FAM13A: variants seen among roughly 807,000 people sequenced by gnomAD.
The protein encoded by FAM13A is family with sequence similarity 13 member A.
A neutral mutation model predicts 129.6 loss-of-function variants in FAM13A; 76 were observed. That is an observed-to-expected ratio of 0.59 (90% confidence interval 0.49 to 0.71). The LOEUF (loss-of-function observed/expected upper bound fraction) is 0.71, where lower values mean the gene tolerates loss of function less well. Among genes scored for constraint, FAM13A ranks in the 30% least tolerant of loss-of-function variants. FAM13A has a pLI of 0.00. For synonymous variants in FAM13A, 443 were observed against 449.9 expected (o/e 0.98, Z 0.20); for missense variants, 1,108 against 1,249.3 (o/e 0.89, Z 1.70).
chr4:88,949,232 T>C (rs1268327061), intron 4 of FAM13A, among the ~76,000 whole-genome samples: 1 of 152,214 alleles, frequency 6.6e-6, no homozygotes, highest in Non-Finnish European at 1.5e-5. Context: ...GATACTTAAT[T>C]TGTAACCCCT....
intron 21 of FAM13A, 65 bp downstream of exon 21, chr4:88,737,407 A>C (rs1301110263): frequency 1.5e-6 from 2 of 1,332,360 alleles, no homozygotes; most frequent in East Asian, 2.3e-5. Context: ...CATTCACCGG[A>C]GGGGAGGGGA....
At chr4:88,963,020 A>G (rs1758838165) in intron 4 of FAM13A, among the ~76,000 whole-genome samples, 1 of 152,334 alleles carries the variant, frequency 6.6e-6, no homozygotes, top group African/African-American at 2.4e-5. Context: ...TCAGAAAAAT[A>G]TCAATGGGTC....
intron 4 of FAM13A, among the ~76,000 whole-genome samples, chr4:88,966,942 T>C (rs1203620563): frequency 6.6e-6 from 1 of 152,178 alleles, no homozygotes. Flanking sequence ...TCTGCTATGC[T>C]TTGCAATTAT....
chr4:88,796,778 T>C (rs1726271355), intron 8 of FAM13A, among the ~76,000 whole-genome samples: 1 of 151,984 alleles, frequency 6.6e-6, no homozygotes, highest in African/African-American at 2.4e-5. Context: ...TTGTCCTAGC[T>C]GATTTGTTCT....
intron 5 of FAM13A, among the ~76,000 whole-genome samples, chr4:88,925,614 A>G (rs1751990835): frequency 6.6e-6 from 1 of 151,858 alleles, no homozygotes. Context: ...TAATGGGTGC[A>G]GCACACCAGC....
At chr4:88,825,608 C>G (rs1421373121) in intron 7 of FAM13A, among the ~76,000 whole-genome samples, 1 of 152,040 alleles carries the variant, frequency 6.6e-6, no homozygotes, top group Admixed American at 6.6e-5. Flanking sequence ...ATTTTATGAA[C>G]ACATTAATAC....
At chr4:88,802,634 T>C (rs1409031767) in intron 8 of FAM13A, among the ~76,000 whole-genome samples, 1 of 152,194 alleles carries the variant, frequency 6.6e-6, no homozygotes, top group Non-Finnish European at 1.5e-5. Context: ...CATAAAGTGA[T>C]AACAAGAGCA....
chr4:88,738,986 A>G (rs376246251), intron 20 of FAM13A, 44 bp downstream of exon 20: 1 of 1,254,170 alleles, frequency 8.0e-7, no homozygotes, highest in South Asian at 1.2e-5. Flanking sequence ...GGCCCATTCA[A>G]GCGGAAAGGT....
chr4:88,794,774 C>T (rs994129006), intron 8 of FAM13A, among the ~76,000 whole-genome samples: 11 of 151,532 alleles, frequency 7.3e-5, no homozygotes, highest in Non-Finnish European at 1.0e-4. Context: ...ATGAGATGTT[C>T]GCTTAAATAA....
At chr4:88,912,539 T>C (rs1221630480) in intron 5 of FAM13A, among the ~76,000 whole-genome samples, 1 of 148,136 alleles carries the variant, frequency 6.8e-6, no homozygotes, top group Non-Finnish European at 1.5e-5. Flanking sequence ...AACCCCATAA[T>C]AAATCACCTC....
intron 6 of FAM13A, among the ~76,000 whole-genome samples, chr4:88,882,105 A>C (rs1482008088): frequency 6.6e-6 from 1 of 152,200 alleles, no homozygotes; most frequent in Non-Finnish European, 1.5e-5. Context: ...AGAGATCTAG[A>C]TATCCAAATA....
Position 88,747,030 on chromosome 4 carries a change from G to GATAT in FAM13A, c.2383-16_2383-15insATAT. 6.5e-7 allele frequency: 1 copy of GATAT among 1,548,242 alleles called. No individual in the cohort carries two copies. Among genetic ancestry groups the GATAT allele is most frequent in the Non-Finnish European group, 8.9e-7 (1 of 1,122,214 alleles). On this transcript the variant is annotated splice_polypyrimidine_tract_variant and intron_variant, in intron 18 of 23. Coordinates refer to ENST00000264344, the MANE Select transcript of FAM13A (RefSeq NM_014883.4). ...TTGGTCATATCCTGTATAAACACAGGGATAGAGAATTGAAAGAGAGGAAAA... is the reference window on the plus strand; with the variant it reads ...TTGGTCATATCCTGTATAAACACAGGATATGATAGAGAATTGAAAGAGAGGAAAA...
At chr4:88,879,121 T>C (rs1743104820) in intron 6 of FAM13A, among the ~76,000 whole-genome samples, 1 of 152,238 alleles carries the variant, frequency 6.6e-6, no homozygotes. Context: ...TGAGAATAGC[T>C]GCTGTCATGA....
At chr4:89,044,698 A>C (rs557070844) in intron 1 of FAM13A, among the ~76,000 whole-genome samples, 1 of 152,302 alleles carries the variant, frequency 6.6e-6, no homozygotes, top group Admixed American at 6.5e-5. Flanking sequence ...TGAAAGGATA[A>C]ATACAAGGTA....
At chr4:89,028,733 T>TG (rs1768309038) in intron 2 of FAM13A, among the ~76,000 whole-genome samples, 1 of 149,494 alleles carries the variant, frequency 6.7e-6, no homozygotes, top group Admixed American at 6.7e-5. Flanking sequence ...GTAACTAACC[T>TG]GCACAATGTG....
At chr4:88,788,266 T>C (rs1724380488) in intron 9 of FAM13A, among the ~76,000 whole-genome samples, 1 of 152,148 alleles carries the variant, frequency 6.6e-6, no homozygotes, top group South Asian at 2.1e-4. Flanking sequence ...AAAGATTTTT[T>C]TTGCCCTCAT....
At chr4:88,845,644 A>G (rs113645470) in intron 7 of FAM13A, among the ~76,000 whole-genome samples, 1 of 152,362 alleles carries the variant, frequency 6.6e-6, no homozygotes, top group African/African-American at 2.4e-5. Context: ...GGAAATCCAT[A>G]GAGATAAGTC....
intron 7 of FAM13A, among the ~76,000 whole-genome samples, chr4:88,823,734 C>T (rs1001871332): frequency 6.6e-6 from 1 of 152,180 alleles, no homozygotes; most frequent in Non-Finnish European, 1.5e-5. Context: ...TAGACCCTTG[C>T]CCTACCCACA....
intron 2 of FAM13A, among the ~76,000 whole-genome samples, chr4:89,025,699 G>T (rs1315256392): frequency 2.6e-5 from 4 of 152,094 alleles, no homozygotes; most frequent in African/African-American, 9.7e-5. Context: ...AATGAGTAAA[G>T]CTCTTTATGC....
Sources: gnomAD v4.1 joint callset for allele counts (sites outside exome capture counted in the v4.1 genomes callset) on GRCh38, gnomAD v4.1.1 for gene constraint, MANE v1.5 for transcripts, NCBI Gene and HGNC (gene_info 2026-07-23, HGNC 2026-07-21) for gene names.